Variants in SCHIP1 observed in about 807,000 individuals in gnomAD.
The protein encoded by SCHIP1 is schwannomin interacting protein 1, also known as schwannomin-interacting protein 1.
A neutral mutation model predicts 29.7 loss-of-function variants in SCHIP1; 8 were observed. The observed-to-expected ratio is 0.27, with a 90% confidence interval of 0.16 to 0.49. The LOEUF (loss-of-function observed/expected upper bound fraction) is 0.49. SCHIP1 is among the 20% of genes least tolerant of loss of function. The probability of loss-of-function intolerance (pLI) is 0.99; values close to 1 mark genes in which losing one functional copy is unlikely to be tolerated. For missense variants in SCHIP1, 193 were observed against 294.6 expected, an observed-to-expected ratio of 0.66 and a Z score of 2.52; for synonymous variants, 76 against 94.9, an observed-to-expected ratio of 0.80 and a Z score of 1.16.
At chr3:159,732,732 A>G in the SCHIP1 span, among the ~76,000 whole-genome samples, 1 of 152,188 alleles carries the variant, frequency 6.6e-6, no homozygotes, top group Admixed American at 6.5e-5. Flanking sequence ...CCGTGGAGGG[A>G]TAAGTTTAGA....
intron 6 of SCHIP1, chr3:159,894,742 G>A (rs992226373): frequency 3.3e-5 from 5 of 151,856 alleles, no homozygotes; most frequent in Admixed American, 2.6e-4. Context: ...TTTTGGTGGG[G>A]CTTCAGTGAA....
At chr3:159,506,197 G>C in the SCHIP1 span, among the ~76,000 whole-genome samples, 35 of 152,180 alleles carry the variant, frequency 2.3e-4, no homozygotes, top group Admixed American at 2.2e-3. Context: ...TTGTGGTTTT[G>C]ATTTGCATTT....
chr3:159,888,729 G>A (rs1717197450), intron 4 of SCHIP1, 91 bp from the exon 6 acceptor site: 1 of 1,538,158 alleles, frequency 6.5e-7, no homozygotes, highest in South Asian at 1.3e-5. Context: ...GTGGGTGGGT[G>A]AGTGGGTCTT....
the SCHIP1 span, among the ~76,000 whole-genome samples, chr3:159,544,520 T>C: frequency 6.6e-6 from 1 of 152,096 alleles, no homozygotes; most frequent in African/African-American, 2.4e-5. Context: ...CTTAATATCA[T>C]TGTACAATCA....
At chr3:159,292,724 A>T in the SCHIP1 span, among the ~76,000 whole-genome samples, 1 of 152,228 alleles carries the variant, frequency 6.6e-6, no homozygotes, top group Non-Finnish European at 1.5e-5. Flanking sequence ...TTTAATATGT[A>T]ATCGGTTTCC....
chr3:159,520,110 A>C, the SCHIP1 span, among the ~76,000 whole-genome samples: 1 of 151,448 alleles, frequency 6.6e-6, no homozygotes, highest in Non-Finnish European at 1.5e-5. Context: ...AAAAAAAAAA[A>C]AAAAACTCCC....
At chr3:159,463,893 C>A in the SCHIP1 span, among the ~76,000 whole-genome samples, 2 of 152,106 alleles carry the variant, frequency 1.3e-5, no homozygotes, top group African/African-American at 4.8e-5. Context: ...ACATATTGAT[C>A]ATGCTCAATG....
At chr3:159,651,921 C>A in the SCHIP1 span, among the ~76,000 whole-genome samples, 1 of 152,074 alleles carries the variant, frequency 6.6e-6, no homozygotes, top group Non-Finnish European at 1.5e-5. Context: ...ACGGTGAAAC[C>A]GCATCTTTAT....
At chr3:159,575,983 G>A in the SCHIP1 span, among the ~76,000 whole-genome samples, 1 of 152,136 alleles carries the variant, frequency 6.6e-6, no homozygotes, top group South Asian at 2.1e-4. Context: ...ATTTCAATGT[G>A]TTCTAGGCTC....
chr3:159,391,369 G>T, the SCHIP1 span, among the ~76,000 whole-genome samples: 3 of 152,186 alleles, frequency 2.0e-5, no homozygotes, highest in Admixed American at 2.0e-4. Context: ...TAATACTAAA[G>T]ACATTTTGAG....
the SCHIP1 span, among the ~76,000 whole-genome samples, chr3:159,407,008 T>C: frequency 6.6e-6 from 1 of 151,850 alleles, no homozygotes; most frequent in South Asian, 2.1e-4. Flanking sequence ...AGAAAACAAA[T>C]AGCAAAATGA....
the SCHIP1 span, among the ~76,000 whole-genome samples, chr3:159,333,459 A>G: frequency 1.3e-5 from 2 of 152,174 alleles, no homozygotes; most frequent in Non-Finnish European, 1.5e-5. Flanking sequence ...TTCTTCTGTC[A>G]TGCTGACATT....
chr3:159,803,885 T>C, the SCHIP1 span, among the ~76,000 whole-genome samples: 1 of 150,586 alleles, frequency 6.6e-6, no homozygotes, highest in East Asian at 2.0e-4. Flanking sequence ...GCCTGAATGG[T>C]AGGCTTTATC....
chr3:159,450,680 C>T, the SCHIP1 span, among the ~76,000 whole-genome samples: 6 of 152,220 alleles, frequency 3.9e-5, no homozygotes, highest in African/African-American at 1.4e-4. Flanking sequence ...AAGCCAAGTG[C>T]CTTTCTCCTC....
chr3:159,489,618 A>G, the SCHIP1 span, among the ~76,000 whole-genome samples: 3 of 152,206 alleles, frequency 2.0e-5, no homozygotes, highest in African/African-American at 7.2e-5. Context: ...TAAGAATTAC[A>G]ATGAATGTTC....
At chr3:159,465,088 A>G in the SCHIP1 span, among the ~76,000 whole-genome samples, 1 of 152,048 alleles carries the variant, frequency 6.6e-6, no homozygotes. Context: ...CCTCTCCACA[A>G]GTAAAGGAGT....
chr3:159,552,188 G>T, the SCHIP1 span, among the ~76,000 whole-genome samples: 1 of 151,844 alleles, frequency 6.6e-6, no homozygotes, highest in Admixed American at 6.6e-5. Flanking sequence ...TGGGATTACA[G>T]GTGCACGCCA....
At chr3:159,339,255 T>TA in the SCHIP1 span, among the ~76,000 whole-genome samples, 3,790 of 138,602 alleles carry the variant, frequency 0.027, 99 homozygotes, top group East Asian at 0.16. Context: ...TCATTAGAAT[T>TA]AAAAAAAAAA....
At chr3:159,801,241 T>C in the SCHIP1 span, among the ~76,000 whole-genome samples, 1 of 152,220 alleles carries the variant, frequency 6.6e-6, no homozygotes, top group African/African-American at 2.4e-5. Flanking sequence ...TTGGGGATGG[T>C]AACAGTTACT....
Sources: gnomAD v4.1 joint callset for allele counts (sites outside exome capture counted in the v4.1 genomes callset) on GRCh38, gnomAD v4.1.1 for gene constraint, MANE v1.5 for transcripts, NCBI Gene and HGNC (gene_info 2026-07-23, HGNC 2026-07-21) for gene names.